Variants in CPA6 observed in about 807,000 individuals in gnomAD.
The protein encoded by CPA6 is carboxypeptidase A6, also known as carboxypeptidase B.
CPA6 carries 58 observed loss-of-function variants against 63.3 expected under a neutral mutation model. The observed-to-expected ratio is 0.92, with a 90% CI of 0.74 to 1.14. The LOEUF (loss-of-function observed/expected upper bound fraction) is 1.14, where lower values mean the gene tolerates loss of function less well. Among genes scored for constraint, CPA6 ranks in the 50% most tolerant of loss-of-function variants. CPA6 has a pLI of 0.00. For missense variants in CPA6, 565 were observed against 526.6 expected (o/e 1.07, Z -0.71); for synonymous variants, 185 against 179.0 (o/e 1.03, Z -0.27).
chr8:67,637,639 A>C (rs1466232727), intron 1 of CPA6, among the ~76,000 whole-genome samples: 1 of 151,558 alleles, frequency 6.6e-6, no homozygotes, highest in Non-Finnish European at 1.5e-5. Flanking sequence ...GCATAGGGGA[A>C]AATTTTTCAA....
At chr8:67,676,583 A>G (rs1445502003) in intron 1 of CPA6, among the ~76,000 whole-genome samples, 1 of 152,196 alleles carries the variant, frequency 6.6e-6, no homozygotes, top group Non-Finnish European at 1.5e-5. Context: ...GCTGCACTAT[A>G]AAACTTTTAT....
intron 2 of CPA6, among the ~76,000 whole-genome samples, chr8:67,527,584 A>G (rs1812391418): frequency 1.3e-5 from 2 of 152,200 alleles, no homozygotes; most frequent in Non-Finnish European, 1.5e-5. Context: ...GCTAGACTTA[A>G]TGTGCTTTTT....
chr8:67,545,653 C>T (rs1812802551), intron 2 of CPA6, among the ~76,000 whole-genome samples: 1 of 148,648 alleles, frequency 6.7e-6, no homozygotes, highest in African/African-American at 2.4e-5. Flanking sequence ...CTGCACTCCA[C>T]CCCCTGGGTT....
rs1007305743 is a variant in CPA6, at chr8:67,681,200, C to CTTTTTT, written c.117-56955_117-56950dup. ...CTCAACCCAAGGTCACAAAGATTTTCTTTTTTTTTTTTTTTTTTTTGAGAC... is the reference window on the plus strand; with the variant it reads ...CTCAACCCAAGGTCACAAAGATTTTCTTTTTTTTTTTTTTTTTTTTTTTTTTGAGAC... On this transcript the variant is annotated intron_variant, in intron 1 of 10. Coordinates refer to ENST00000297770, the MANE Select transcript of CPA6 (RefSeq NM_020361.5). Among the ~76,000 whole-genome samples, 36 of 89,892 alleles carry CTTTTTT rather than the reference C, an allele frequency of 4.0e-4. 3 individuals are homozygous for CTTTTTT. Among genetic ancestry groups the CTTTTTT allele is most frequent in the South Asian group, 1.2e-3 (3 of 2,480 alleles). 59.0% of individuals were successfully genotyped at this position (89,892 alleles called of 152,430 possible).
intron 2 of CPA6, among the ~76,000 whole-genome samples, chr8:67,616,552 T>TGTGTGTG: frequency 8.1e-6 from 1 of 122,864 alleles, no homozygotes; most frequent in South Asian, 2.6e-4. Context: ...TGTGTGTGTG[T>TGTGTGTG]TGTGGGGGTT....
At chr8:67,600,584 A>G (rs1233304483) in intron 2 of CPA6, among the ~76,000 whole-genome samples, 3 of 152,188 alleles carry the variant, frequency 2.0e-5, no homozygotes, top group African/African-American at 7.2e-5. Flanking sequence ...GCCATTTCTC[A>G]AAACATCTTG....
At chr8:67,586,562 C>T (rs769875278) in intron 2 of CPA6, among the ~76,000 whole-genome samples, 7 of 152,102 alleles carry the variant, frequency 4.6e-5, no homozygotes, top group Non-Finnish European at 5.9e-5. Context: ...TTGATTACCT[C>T]AGCGGGTAAT....
chr8:67,512,218 T>C (rs949068883), intron 3 of CPA6, among the ~76,000 whole-genome samples: 1 of 152,234 alleles, frequency 6.6e-6, no homozygotes, highest in Non-Finnish European at 1.5e-5. Context: ...AAACTGAGCC[T>C]AGGCTTCTCT....
intron 8 of CPA6, among the ~76,000 whole-genome samples, chr8:67,462,150 A>G (rs1157266270): frequency 1.3e-5 from 2 of 151,954 alleles, no homozygotes; most frequent in Non-Finnish European, 2.9e-5. Context: ...AACCATGTTC[A>G]CTGCTTTTTT....
chr8:67,456,354 CCT>C (rs1389851161), intron 8 of CPA6, among the ~76,000 whole-genome samples: 78 of 152,278 alleles, frequency 5.1e-4, no homozygotes, highest in Non-Finnish European at 1.1e-3. Context: ...GTGTATGGCA[CCT>C]GATTGCCCAA....
At chr8:67,639,302 G>T (rs1815537196) in intron 1 of CPA6, among the ~76,000 whole-genome samples, 1 of 151,614 alleles carries the variant, frequency 6.6e-6, no homozygotes, top group Non-Finnish European at 1.5e-5. Flanking sequence ...GGCCTGCTGG[G>T]CTCCTTCTGT....
chr8:67,694,032 T>A (rs909170214), intron 1 of CPA6, among the ~76,000 whole-genome samples: 4 of 152,210 alleles, frequency 2.6e-5, no homozygotes, highest in African/African-American at 9.6e-5. Context: ...GCAAAATGCC[T>A]AATAGACCTC....
Position 67,681,200 on chromosome 8 carries a change from C to CTTTTTTTTTTTTTTTTTT in CPA6, c.117-56967_117-56950dup, listed in dbSNP as rs1007305743. On this transcript the variant is annotated intron_variant, in intron 1 of 10. Transcript: ENST00000297770. ...CTCAACCCAAGGTCACAAAGATTTT[C>CTTTTTTTTTTTTTTTTTT]TTTTTTTTTTTTTTTTTTTTGAGAC... Among the ~76,000 whole-genome samples the CTTTTTTTTTTTTTTTTTT allele has an allele frequency of 6.4e-3, 574 of 89,852 alleles. 104 individuals carry two copies. Among genetic ancestry groups the CTTTTTTTTTTTTTTTTTT allele is most frequent in the Non-Finnish European group, 8.6e-3 (419 of 48,902 alleles). 58.9% of individuals were successfully genotyped at this position (89,852 alleles called of 152,430 possible).
intron 8 of CPA6, among the ~76,000 whole-genome samples, chr8:67,443,962 C>T (rs1214086823): frequency 6.6e-6 from 1 of 150,706 alleles, no homozygotes; most frequent in Non-Finnish European, 1.5e-5. Context: ...CATCTTACCT[C>T]TCTGGCTTGG....
chr8:67,597,565 C>A (rs7005683), intron 2 of CPA6, among the ~76,000 whole-genome samples: 24,839 of 152,028 alleles, frequency 0.16, 2,604 homozygotes, highest in African/African-American at 0.28. Context: ...TGGGTATTTT[C>A]TTCTGCCCTT....
intron 1 of CPA6, among the ~76,000 whole-genome samples, chr8:67,736,075 C>T (rs1285246909): frequency 6.6e-6 from 1 of 152,110 alleles, no homozygotes; most frequent in African/African-American, 2.4e-5. Flanking sequence ...TGTCTCTCTT[C>T]ATAGGACCAG....
chr8:67,696,100 A>G (rs1344970098), intron 1 of CPA6, among the ~76,000 whole-genome samples: 1 of 152,180 alleles, frequency 6.6e-6, no homozygotes, highest in Non-Finnish European at 1.5e-5. Flanking sequence ...CTGACCACCA[A>G]GGGGAAATTG....
intron 8 of CPA6, among the ~76,000 whole-genome samples, chr8:67,447,077 C>T (rs202015618): frequency 6.9e-6 from 1 of 144,298 alleles, no homozygotes. Flanking sequence ...CACATATATA[C>T]ACATATATAT....
chr8:67,499,855 C>G (rs1229455138), intron 6 of CPA6, among the ~76,000 whole-genome samples: 1 of 152,152 alleles, frequency 6.6e-6, no homozygotes, highest in Non-Finnish European at 1.5e-5. Context: ...GAATAGTTTT[C>G]CATGGTATGG....
Sources: gnomAD v4.1 joint callset for allele counts (sites outside exome capture counted in the v4.1 genomes callset) on GRCh38, gnomAD v4.1.1 for gene constraint, MANE v1.5 for transcripts, NCBI Gene and HGNC (gene_info 2026-07-23, HGNC 2026-07-21) for gene names.